The following DZIP1L variants were observed in gnomAD, a reference collection of about 807,000 sequenced individuals.
The protein encoded by DZIP1L is cilium assembly protein DZIP1L.
A neutral mutation model predicts 88.7 loss-of-function variants in DZIP1L; 90 were observed. The ratio of observed to expected loss-of-function variants is 1.02; its 90% CI spans 0.86 to 1.21. The LOEUF (loss-of-function observed/expected upper bound fraction) is 1.21, where lower values mean the gene tolerates loss of function less well. DZIP1L is among the 50% of genes most tolerant of loss of function. The pLI is 0.00. For synonymous variants in DZIP1L, 363 were observed against 372.1 expected (o/e 0.98, Z 0.28); for missense variants, 932 against 955.8 (o/e 0.98, Z 0.33).
intron 2 of DZIP1L, among the ~76,000 whole-genome samples, chr3:138,101,225 A>ATTT (rs35404766): frequency 2.1e-5 from 3 of 144,924 alleles, no homozygotes; most frequent in African/African-American, 5.1e-5. Flanking sequence ...CACAAACACT[A>ATTT]TTTTTTTTTT....
chr3:138,080,648 A>G, intron 9 of DZIP1L, 28 bp from the exon 10 acceptor site: 1 of 1,611,354 alleles, frequency 6.2e-7, no homozygotes, highest in Non-Finnish European at 8.5e-7. Flanking sequence ...AGTTAGTGGC[A>G]CCAGTGCTCT....
chr3:138,071,857 C>T, intron 11 of DZIP1L, 22 bp from the exon 12 acceptor site: 1 of 1,594,164 alleles, frequency 6.3e-7, no homozygotes, highest in South Asian at 1.1e-5. Context: ...AGGAGTTCAC[C>T]TTTACAGAGA....
chr3:138,103,584 C>T lies in DZIP1L; in HGVS notation c.388G>A (p.Gly130Arg). 1 of 1,607,478 alleles carries T rather than the reference C, an allele frequency of 6.2e-7. No individual in the cohort carries two copies. Among genetic ancestry groups the T allele is most frequent in the East Asian group, 2.2e-5 (1 of 44,802 alleles). ...CCCTTGAGCTCGTCAGCCTGGCGTC[C>T]CAGCTCCTGCTGACCACGCTGCTGC... is the stretch of plus-strand genomic sequence containing the variant. ...GQQQRGQQEL[G>R]RQADELKGVR... Residue 130 changes from glycine (G) to arginine (R), a missense_variant, in exon 2 of 16, where the codon GGA becomes AGA. Transcript: ENST00000327532.
At chr3:138,098,171 G>C (rs951053718) in intron 2 of DZIP1L, among the ~76,000 whole-genome samples, 2 of 152,166 alleles carry the variant, frequency 1.3e-5, no homozygotes, top group Non-Finnish European at 2.9e-5. Context: ...GATACAAATA[G>C]AGACATTGAA....
At chr3:138,088,850 C>T in intron 5 of DZIP1L, 1 of 995,282 alleles carries the variant, frequency 1.0e-6, no homozygotes, top group Non-Finnish European at 1.2e-6. Context: ...GAGAATGAGA[C>T]TCTTAGAGCC....
chr3:138,076,758 A>G (rs1169739294), intron 11 of DZIP1L, among the ~76,000 whole-genome samples: 3 of 152,102 alleles, frequency 2.0e-5, no homozygotes, highest in Non-Finnish European at 4.4e-5. Context: ...ATTTGGGGGA[A>G]AGGGCATGGG....
At position 138,062,807 on chromosome 3, in the gene DZIP1L, T is replaced by C; in HGVS notation, c.*9A>G. The C allele has an allele frequency of 6.2e-7, 1 of 1,613,700 alleles. No homozygotes were observed. Among genetic ancestry groups the C allele is most frequent in the Non-Finnish European group, 8.5e-7 (1 of 1,180,020 alleles). On this transcript the variant is annotated 3_prime_UTR_variant, in exon 16 of 16. Transcript: ENST00000327532. ...GCTAACCCTCTAGCCAGCTAGCTTC[T>C]GGGGTGAATCACCAGGCAGGGACCC...
At chr3:138,104,290 G>A (rs1395260799) in intron 1 of DZIP1L, among the ~76,000 whole-genome samples, 1 of 152,220 alleles carries the variant, frequency 6.6e-6, no homozygotes, top group African/African-American at 2.4e-5. Flanking sequence ...TAAGCCTCCT[G>A]TGTCTAAGGA....
Position 138,067,570 on chromosome 3 carries a change from TC to T in DZIP1L, c.1962del (p.Thr655ProfsTer28), listed in dbSNP as rs769370417. The T allele has an allele frequency of 1.2e-6, 2 of 1,610,342 alleles. No individual in the cohort carries two copies. The highest frequency in any genetic ancestry group is 1.7e-6 in the Non-Finnish European group (2 of 1,178,464). On this transcript the variant is annotated frameshift_variant, in exon 14 of 16. Transcript: ENST00000327532. LOFTEE classifies it high-confidence loss of function. ...GGGGGCTGGGCATTCTCCTCCGAGG[TC>T]TCTGTGTCAGACCAGTCCCAGTCAT... ...PKDDWDWSDTETSEENAQPPG... is the reference protein window; with the variant it reads ...PKDDWDWSDTXTSEENAQPPG...
chr3:138,107,628 T>C (rs1377823028), intron 1 of DZIP1L, among the ~76,000 whole-genome samples: 4 of 152,246 alleles, frequency 2.6e-5, no homozygotes, highest in African/African-American at 7.2e-5. Context: ...CACTCAACAT[T>C]GATTCTTGGG....
rs1409633848 is a variant in DZIP1L, at chr3:138,064,755, T to C, written c.2015A>G (p.Gln672Arg). 2 of 1,580,478 alleles carry C rather than the reference T, an allele frequency of 1.3e-6. No homozygotes were observed. Among genetic ancestry groups the C allele is most frequent in the African/African-American group, 2.7e-5 (2 of 73,396 alleles). ...CTTCTCCAGGTTTTTGACCATCGACTGCACCAGTGTTCCTGGAAGGTGAAA... is the reference window on the plus strand; with the variant it reads ...CTTCTCCAGGTTTTTGACCATCGACCGCACCAGTGTTCCTGGAAGGTGAAA... ...PPGQGSGTLVQSMVKNLEKQL... is the reference protein window; with the variant it reads ...PPGQGSGTLVRSMVKNLEKQL... The change falls in exon 15 of 16, where the codon CAG becomes CGG. Residue 672 changes from glutamine to arginine, a missense_variant. Gln to Arg is a conservative substitution (Grantham distance 43). Coordinates refer to ENST00000327532, the MANE Select transcript of DZIP1L (RefSeq NM_173543.3).
intron 5 of DZIP1L, among the ~76,000 whole-genome samples, chr3:138,090,723 C>T (rs73227524): frequency 0.019 from 2,847 of 152,044 alleles, 42 homozygotes; most frequent in Middle Eastern, 0.034. Context: ...TTAGGTAAAA[C>T]GTGGAATGAC....
intron 5 of DZIP1L, among the ~76,000 whole-genome samples, chr3:138,089,605 T>A (rs1306374878): frequency 6.6e-6 from 1 of 152,208 alleles, no homozygotes; most frequent in African/African-American, 2.4e-5. Flanking sequence ...TTTTTTGCAT[T>A]TTGAAAATGG....
intron 3 of DZIP1L, among the ~76,000 whole-genome samples, chr3:138,096,966 G>T (rs1944501686): frequency 6.6e-6 from 1 of 152,104 alleles, no homozygotes; most frequent in Non-Finnish European, 1.5e-5. Flanking sequence ...GATCACTTGA[G>T]CCCAGGAATT....
chr3:138,073,507 G>A (rs969652796), intron 11 of DZIP1L, among the ~76,000 whole-genome samples: 1 of 152,146 alleles, frequency 6.6e-6, no homozygotes. Flanking sequence ...CATTCCTAGG[G>A]GAAGGGGGAG....
In DZIP1L at chr3:138,062,926, G is replaced by A. The variant is rs149714506; in HGVS notation, c.2194C>T (p.Leu732=). The A allele has an allele frequency of 9.2e-4, 1,479 of 1,614,188 alleles. 1 individual carries two copies. The highest frequency in any genetic ancestry group is 1.1e-3 in the Non-Finnish European group (1,314 of 1,180,038). The change falls in exon 16 of 16, where the codon CTG becomes TTG. Residue 732 remains leucine, a synonymous_variant. Transcript: ENST00000327532. ...GGTTTCTCTCTCTGGTCCAGGTCCA[G>A]AGGAAGATCTTCCAAGGAGGAGATC... The part of the protein sequence containing the change: ...LEISSLEDLP[L]DLDQREKPKP...
In DZIP1L at chr3:138,088,516, G is replaced by C. The variant is rs779110734; in HGVS notation, c.871-9C>G. The stretch of plus-strand genomic sequence containing the variant: ...TGCAGTGCCCGCAGTTTCTGAAAAG[G>C]CCAGGGCATAGTTTTATTCAGATGA... On this transcript the variant is annotated splice_polypyrimidine_tract_variant and intron_variant, in intron 5 of 15. Transcript: ENST00000327532. 3 of 1,611,788 alleles carry C rather than the reference G, an allele frequency of 1.9e-6. No homozygotes were observed. In the African/African-American group the frequency reaches 4.0e-5, roughly 22 times the overall value.
At chr3:138,113,582 G>A (rs2042650214) in intron 1 of DZIP1L, 1 of 152,214 alleles carries the variant, frequency 6.6e-6, no homozygotes, top group Non-Finnish European at 1.5e-5. Context: ...CACACAGTTT[G>A]CAAACAGGCT....
chr3:138,095,443 T>TCA (rs34019954), intron 3 of DZIP1L, among the ~76,000 whole-genome samples: 96,310 of 151,866 alleles, frequency 0.63, 31,222 homozygotes, highest in Non-Finnish European at 0.7. Context: ...GTAATAAAAA[T>TCA]CTGTAGTTTT....
Sources: gnomAD v4.1 joint callset for allele counts (sites outside exome capture counted in the v4.1 genomes callset) on GRCh38, gnomAD v4.1.1 for gene constraint, MANE v1.5 for transcripts, NCBI Gene and HGNC (gene_info 2026-07-23, HGNC 2026-07-21) for gene names.